LENG8: variants seen among roughly 807,000 people sequenced by gnomAD.
LENG8 encodes the protein leukocyte receptor cluster (LRC) member 8.
LENG8 carries 28 observed loss-of-function variants against 102.1 expected under a neutral mutation model. That is an observed-to-expected ratio of 0.27 (90% confidence interval 0.20 to 0.38). The LOEUF (loss-of-function observed/expected upper bound fraction) is 0.38, where lower values mean the gene tolerates loss of function less well. Among genes scored for constraint, LENG8 ranks in the 10% least tolerant of loss-of-function variants. The pLI is 1.00. For synonymous variants in LENG8, 531 were observed against 456.7 expected (o/e 1.16, Z -2.07); for missense variants, 1,022 against 1,113.9 (o/e 0.92, Z 1.17).
At chr19:54,453,705 A>T (rs1289267899) in intron 5 of LENG8, 49 bp downstream of exon 5, 5 of 1,365,726 alleles carry the variant, frequency 3.7e-6, no homozygotes, top group Non-Finnish European at 5.1e-6. Context: ...GAGGAAGTGT[A>T]GATTTTTGAA....
Position 54,458,793 on chromosome 19 carries a change from G to A in LENG8, c.2240+272G>A, listed in dbSNP as rs1347576261. ...GGCCTCTTCTCCACCCCATCTGTGT[G>A]TCTCTTCCTCCTGTTCTCTCCTGCC... On this transcript the variant is annotated intron_variant, in intron 15 of 15. Coordinates refer to ENST00000326764, the MANE Select transcript of LENG8 (RefSeq NM_052925.4). 3 of 1,551,102 alleles carry A rather than the reference G, an allele frequency of 1.9e-6. No individual in the cohort carries two copies. In the South Asian group the frequency reaches 3.6e-5, roughly 18 times the overall value.
intron 2 of LENG8, among the ~76,000 whole-genome samples, chr19:54,451,684 T>A (rs1435394027): frequency 6.6e-6 from 1 of 152,180 alleles, no homozygotes; most frequent in East Asian, 1.9e-4. Flanking sequence ...ACACAGTCAT[T>A]TATTTGTTTT....
intron 3 of LENG8, 98 bp downstream of exon 3, chr19:54,452,365 G>A: frequency 1.8e-6 from 2 of 1,139,408 alleles, no homozygotes; most frequent in Non-Finnish European, 2.5e-6. Flanking sequence ...GGTGCTCTGA[G>A]GGGAAACATG....
At chr19:54,458,795 C>T (rs1282699675) in intron 15 of LENG8, 3 of 1,551,182 alleles carry the variant, frequency 1.9e-6, no homozygotes, top group Non-Finnish European at 2.6e-6. Context: ...ATCTGTGTGT[C>T]TCTTCCTCCT....
chr19:54,460,700 G>A (rs999816948), intron 15 of LENG8, 66 bp from the exon 16 acceptor site: 13 of 1,442,400 alleles, frequency 9.0e-6, no homozygotes, highest in East Asian at 5.2e-5. Context: ...GGGCCTCCCC[G>A]CTCGTGGGGC....
intron 2 of LENG8, among the ~76,000 whole-genome samples, chr19:54,451,720 A>G (rs1440084603): frequency 6.6e-6 from 1 of 152,098 alleles, no homozygotes; most frequent in Admixed American, 6.6e-5. Context: ...TTTTTTCTCA[A>G]AATAGTGTGA....
At chr19:54,451,958 C>A in intron 2 of LENG8, 135 bp from the exon 3 acceptor site, 2 of 752,004 alleles carry the variant, frequency 2.7e-6, no homozygotes, top group Non-Finnish European at 4.3e-6. Context: ...CAGCATAGTA[C>A]AGATTAGAAA....
In LENG8 at chr19:54,462,012, G is replaced by C. The variant is rs2084595132; in HGVS notation, c.*1084G>C. On this transcript the variant is annotated 3_prime_UTR_variant, in exon 16 of 16. Transcript: ENST00000326764. ...GAAACCAAAATTAAAGAGAGAAAGA[G>C]AGAGCGTGCACGCTCCTGCTTTGTC... 6.9e-7 allele frequency: 1 copy of C among 1,449,932 alleles called. No individual in the cohort carries two copies. The highest frequency in any genetic ancestry group is 1.4e-5 in the African/African-American group (1 of 70,664). 89.8% of individuals were successfully genotyped at this position (1,449,932 alleles called of 1,614,324 possible). A position where few individuals can be genotyped will look rare whatever the true frequency, so the allele number is the denominator to read the frequency against.
intron 4 of LENG8, among the ~76,000 whole-genome samples, 178 bp from the exon 5 acceptor site, chr19:54,453,368 G>A (rs1393172645): frequency 4.6e-5 from 7 of 152,256 alleles, no homozygotes; most frequent in Non-Finnish European, 1.5e-5. Context: ...AGTGAGATGT[G>A]GGATTGATAG....
At chr19:54,454,290 G>C in intron 5 of LENG8, 140 bp from the exon 6 acceptor site, 1 of 777,468 alleles carries the variant, frequency 1.3e-6, no homozygotes, top group South Asian at 1.8e-5. Context: ...CTGAGGACTC[G>C]AATGAACTCA....
intron 3 of LENG8, 48 bp from the exon 4 acceptor site, chr19:54,452,603 G>C: frequency 6.8e-7 from 1 of 1,472,408 alleles, no homozygotes; most frequent in Non-Finnish European, 9.5e-7. Flanking sequence ...GGGGCCGTGT[G>C]CCTGTGGATT....
At position 54,452,159 on chromosome 19, in the gene LENG8, G is replaced by A; in HGVS notation, c.105G>A (p.Glu35=). The change falls in exon 3 of 16, where the codon GAG becomes GAA. Residue 35 remains glutamate (E), a synonymous_variant. Coordinates refer to ENST00000326764, the MANE Select transcript of LENG8 (RefSeq NM_052925.4). ...ATGGCATGGAGACGCCGATGCACGA[G>A]AACCCGGAGTGGGAGAAGGCCCGTC... ...RENGMETPMH[E]NPEWEKARQA... The A allele has an allele frequency of 6.2e-7, 1 of 1,614,176 alleles. No homozygotes were observed. The highest frequency in any genetic ancestry group is 8.5e-7 in the Non-Finnish European group (1 of 1,180,030).
chr19:54,461,596 C>T lies in LENG8; in HGVS notation c.*668C>T, dbSNP rs1190834251. ...TAAAGTTGTCTCCGTGTCCCCTCCTCCCTCTGCCCCCAGTGTTTCTTCTGA... is the reference window on the plus strand; with the variant it reads ...TAAAGTTGTCTCCGTGTCCCCTCCTTCCTCTGCCCCCAGTGTTTCTTCTGA... On this transcript the variant is annotated 3_prime_UTR_variant, in exon 16 of 16. Coordinates refer to ENST00000326764, the MANE Select transcript of LENG8 (RefSeq NM_052925.4). 8 of 473,160 alleles carry T rather than the reference C, an allele frequency of 1.7e-5. No individual in the cohort carries two copies. In the Admixed American group the frequency reaches 1.9e-4, roughly 11 times the overall value. The allele number at this position is 473,160 out of a possible 1,614,324, so 29.3% of individuals were successfully genotyped here. A position where few individuals can be genotyped will look rare whatever the true frequency, so the allele number is the denominator to read the frequency against.
rs1349609302 is a variant in LENG8 at position 54,454,568 on chromosome 19, C to A, written c.565C>A (p.Pro189Thr). 1.2e-6 allele frequency: 2 copies of A among 1,611,948 alleles called. No individual in the cohort carries two copies. The change falls in exon 6 of 16, where the codon CCA becomes ACA. Residue 189 changes from proline (P) to threonine (T), a missense_variant. Physicochemically the swap from Pro to Thr is conservative, Grantham distance 38. This residue lies in a region of LENG8 where 343 missense variants were observed against 320.2 expected (regional missense o/e 1.07). Transcript: ENST00000326764. The part of the protein sequence containing the change: ...LNSGPQPGTA[P>T]ATQHSQAGPA... The stretch of plus-strand genomic sequence containing the variant: ...CAGTGGCCCTCAGCCTGGGACAGCT[C>A]CAGCCACACAGCACAGCCAGGCGGG...
chr19:54,457,222 G>A (rs549165384), intron 11 of LENG8, among the ~76,000 whole-genome samples: 25 of 152,348 alleles, frequency 1.6e-4, no homozygotes, highest in African/African-American at 6.0e-4. Context: ...TGTGGGGCGT[G>A]GGGGGCTGTG....
intron 1 of LENG8, chr19:54,449,538 C>T (rs916800956): frequency 1.3e-5 from 2 of 152,104 alleles, no homozygotes; most frequent in African/African-American, 4.8e-5. Flanking sequence ...CCGTTCCTCT[C>T]CCTTGGAGTT....
At position 54,460,790 on chromosome 19, in the gene LENG8, C is replaced by T. The variant is rs1419577843; in HGVS notation, c.2265C>T (p.Ser755=). The change falls in exon 16 of 16, where the codon TCC becomes TCT. Residue 755 remains serine, a synonymous_variant. Coordinates refer to ENST00000326764, the MANE Select transcript of LENG8 (RefSeq NM_052925.4). ...GCTTCCGCCCTGCGCTGCCAGTCTCCTACCTGCAGGCCGAGCTGGCCTTCG... is the reference window on the plus strand; with the variant it reads ...GCTTCCGCCCTGCGCTGCCAGTCTCTTACCTGCAGGCCGAGCTGGCCTTCG... The part of the protein sequence containing the change: ...IKTFRPALPV[S]YLQAELAFEG... 6.3e-7 allele frequency: 1 copy of T among 1,587,580 alleles called. No individual in the cohort carries two copies. The highest frequency in any genetic ancestry group is 2.3e-5 in the East Asian group (1 of 43,072).
rs760628180 is a variant in LENG8 at position 54,451,334 on chromosome 19, C to G, written c.-11C>G. 1.2e-6 allele frequency: 2 copies of G among 1,614,182 alleles called. No individual in the cohort carries two copies. The highest frequency in any genetic ancestry group is 1.7e-6 in the Non-Finnish European group (2 of 1,180,020). ...GCTCCCGAGGTCCACCCCTTATACC[C>G]CAAGGTCCAGATGGCGGCCAACGTG... is the stretch of plus-strand genomic sequence containing the variant. On this transcript the variant is annotated 5_prime_UTR_variant, in exon 2 of 16. Coordinates refer to ENST00000326764, the MANE Select transcript of LENG8 (RefSeq NM_052925.4).
In LENG8 at chr19:54,455,430, T is replaced by C. The variant is rs961449038; in HGVS notation, c.888T>C (p.Tyr296=). ...ACTGGCCCCAGGACATGAAAGAGTA[T>C]GTGGAGCGCTGCTTCACCGCCTGTG... is the stretch of plus-strand genomic sequence containing the variant. The part of the protein sequence containing the change: ...PDDWPQDMKE[Y]VERCFTACES... Residue 296 remains tyrosine (Y), a synonymous_variant, in exon 8 of 16, where the codon TAT becomes TAC. Transcript: ENST00000326764. The C allele has an allele frequency of 6.2e-7, 1 of 1,613,974 alleles. No individual in the cohort carries two copies. The highest frequency in any genetic ancestry group is 1.7e-5 in the Admixed American group (1 of 59,996).
Sources: gnomAD v4.1 joint callset for allele counts (sites outside exome capture counted in the v4.1 genomes callset) on GRCh38, gnomAD v4.1.1 for gene constraint, gnomAD v4.1.1 regional missense constraint, MANE v1.5 for transcripts, NCBI Gene and HGNC (gene_info 2026-07-23, HGNC 2026-07-21) for gene names.